SEMA3E: variants seen among roughly 807,000 people sequenced by gnomAD.
The protein encoded by SEMA3E is semaphorin 3E, also known as semaphorin-3E.
Under a neutral mutation model 93.6 loss-of-function variants are expected in SEMA3E, and 49 were observed. That is an observed-to-expected ratio of 0.52 (90% CI 0.42 to 0.66). The LOEUF is 0.66. Among genes scored for constraint, SEMA3E ranks in the 30% least tolerant of loss-of-function variants. SEMA3E has a pLI of 0.00. For missense variants in SEMA3E, 906 were observed against 964.8 expected (o/e 0.94, Z 0.81); for synonymous variants, 363 against 330.7 (o/e 1.10, Z -1.06).
chr7:83,644,953 T>C (rs1185648659), intron 1 of SEMA3E, among the ~76,000 whole-genome samples: 2 of 152,014 alleles, frequency 1.3e-5, no homozygotes, highest in Non-Finnish European at 2.9e-5. Flanking sequence ...TGCAACTGCA[T>C]TCTTGCTTAT....
At chr7:83,547,157 G>A (rs533114285) in intron 1 of SEMA3E, among the ~76,000 whole-genome samples, 5 of 152,146 alleles carry the variant, frequency 3.3e-5, no homozygotes, top group South Asian at 2.1e-4. Context: ...ATTTAACATC[G>A]TAAGTGTATT....
At chr7:83,606,835 T>C (rs1313427654) in intron 1 of SEMA3E, among the ~76,000 whole-genome samples, 1 of 152,098 alleles carries the variant, frequency 6.6e-6, no homozygotes, top group Non-Finnish European at 1.5e-5. Flanking sequence ...ATTTTCTACT[T>C]GCATATTATA....
intron 1 of SEMA3E, among the ~76,000 whole-genome samples, chr7:83,542,017 CTT>C (rs1034446192): frequency 6.6e-6 from 1 of 151,986 alleles, no homozygotes; most frequent in Non-Finnish European, 1.5e-5. Flanking sequence ...GGATTTAGCT[CTT>C]GAATACTCCT....
In SEMA3E at chr7:83,560,154, A is replaced by C. The variant is rs144040038; in HGVS notation, c.116-69880T>G. On this transcript the variant is annotated intron_variant, in intron 1 of 16. Coordinates refer to ENST00000643230, the MANE Select transcript of SEMA3E (RefSeq NM_012431.3). The stretch of plus-strand genomic sequence containing the variant: ...ACTAACACAATGGATATATGTCATC[A>C]TGCATTTGTCCAAACTCACCGAATA... 8.2e-4 allele frequency among the ~76,000 whole-genome samples: 125 copies of C among 152,198 alleles called. 2 individuals carry two copies. Among genetic ancestry groups the C allele is most frequent in the South Asian group, 7.5e-3 (36 of 4,826 alleles).
At chr7:83,489,023 T>G (rs560991395) in intron 2 of SEMA3E, among the ~76,000 whole-genome samples, 1 of 152,076 alleles carries the variant, frequency 6.6e-6, no homozygotes, top group East Asian at 1.9e-4. Context: ...GAGGGAAAAG[T>G]GTGATAAAAT....
At chr7:83,556,177 T>C (rs898533273) in intron 1 of SEMA3E, among the ~76,000 whole-genome samples, 26 of 152,186 alleles carry the variant, frequency 1.7e-4, no homozygotes, top group Admixed American at 1.2e-3. Flanking sequence ...AAATTGTTTT[T>C]TAAAAAGGAC....
chr7:83,426,292 A>T (rs1788768130), intron 4 of SEMA3E, among the ~76,000 whole-genome samples: 1 of 152,184 alleles, frequency 6.6e-6, no homozygotes, highest in Non-Finnish European at 1.5e-5. Flanking sequence ...TCATTGCAGC[A>T]TTATTCACCA....
intron 3 of SEMA3E, among the ~76,000 whole-genome samples, 170 bp from the exon 4 acceptor site, chr7:83,466,771 CTG>C (rs1439675186): frequency 7.9e-5 from 12 of 152,228 alleles, no homozygotes; most frequent in Admixed American, 5.9e-4. Context: ...GGAGAAGAAA[CTG>C]GGGTGATTGA....
chr7:83,385,368 C>A lies in SEMA3E; in HGVS notation c.1801G>T (p.Glu601Ter). Reference protein sequence around the residue: ...YGIENNSTLLECTPRSLQAKV... With the variant: ...YGIENNSTLL ...GCTTGTAAAGATCGTGGGGTACATT[C>A]CAGCAAAGTACTGTTGTTCTCTATG... Residue 601 changes from glutamate to a stop codon, truncating the protein, a stop_gained, in exon 16 of 17, where the codon GAA (glutamate) becomes TAA (stop). Coordinates refer to ENST00000643230, the MANE Select transcript of SEMA3E (RefSeq NM_012431.3). LOFTEE classifies it high-confidence loss of function. The A allele has an allele frequency of 6.2e-7, 1 of 1,613,520 alleles. No individual in the cohort carries two copies. Among genetic ancestry groups the A allele is most frequent in the Non-Finnish European group, 8.5e-7 (1 of 1,179,632 alleles).
At chr7:83,450,294 A>C (rs1789330902) in intron 4 of SEMA3E, among the ~76,000 whole-genome samples, 1 of 152,232 alleles carries the variant, frequency 6.6e-6, no homozygotes, top group African/African-American at 2.4e-5. Flanking sequence ...CACACCCATA[A>C]GTTCACCAAA....
chr7:83,584,487 T>A (rs1198867143), intron 1 of SEMA3E, among the ~76,000 whole-genome samples: 1 of 152,152 alleles, frequency 6.6e-6, no homozygotes, highest in African/African-American at 2.4e-5. Flanking sequence ...GGTAGAAAAT[T>A]AAAATGTGTA....
chr7:83,557,190 T>C (rs1343946441), intron 1 of SEMA3E, among the ~76,000 whole-genome samples: 4 of 152,102 alleles, frequency 2.6e-5, no homozygotes, highest in African/African-American at 9.7e-5. Context: ...ATATTCTTTT[T>C]ATTACTAAAT....
rs73707826 is a variant in SEMA3E at position 83,405,756 on chromosome 7, C to A, written c.928+189G>T. On this transcript the variant is annotated intron_variant, in intron 8 of 16. Coordinates refer to ENST00000643230, the MANE Select transcript of SEMA3E (RefSeq NM_012431.3). ...ACTGACTCTAAGCTAACAAGATGAG[C>A]CTCTTTTTGTTCTTGCAATCCCTTT... Among the ~76,000 whole-genome samples, 7,855 of 152,054 alleles carry A rather than the reference C, an allele frequency of 0.052. 334 individuals are homozygous for A. The highest frequency in any genetic ancestry group is 0.11 in the African/African-American group (4,650 of 41,474).
intron 5 of SEMA3E, among the ~76,000 whole-genome samples, chr7:83,415,296 A>G (rs898166722): frequency 6.6e-6 from 1 of 152,128 alleles, no homozygotes; most frequent in African/African-American, 2.4e-5. Flanking sequence ...AGGAGTAATC[A>G]CACTGGAGGA....
chr7:83,648,409 A>C lies in SEMA3E; in HGVS notation c.115+19T>G. Reference sequence around the variant, plus strand: ...TTTTTTTTTTTTTTTAAACAAAAGGATCTGGAAAGGTAACCTACCTTTATG... The same window carrying C: ...TTTTTTTTTTTTTTTAAACAAAAGGCTCTGGAAAGGTAACCTACCTTTATG... On this transcript the variant is annotated intron_variant, in intron 1 of 16. Transcript: ENST00000643230. 1 of 1,406,576 alleles carries C rather than the reference A, an allele frequency of 7.1e-7. No homozygotes were observed. The highest frequency in any genetic ancestry group is 1.0e-6 in the Non-Finnish European group (1 of 1,002,378). 87.1% of individuals were successfully genotyped at this position (1,406,576 alleles called of 1,614,324 possible).
At chr7:83,524,338 CA>C (rs1224597084) in intron 1 of SEMA3E, among the ~76,000 whole-genome samples, 1 of 152,058 alleles carries the variant, frequency 6.6e-6, no homozygotes. Context: ...ATAAAAAGGC[CA>C]AACCTGTCTT....
chr7:83,416,221 G>A (rs1345299609), intron 5 of SEMA3E, among the ~76,000 whole-genome samples: 1 of 152,010 alleles, frequency 6.6e-6, no homozygotes, highest in African/African-American at 2.4e-5. Flanking sequence ...TCTCTTTGGA[G>A]GGATTATTCT....
intron 1 of SEMA3E, among the ~76,000 whole-genome samples, chr7:83,491,369 T>A (rs1187159306): frequency 6.6e-6 from 1 of 151,752 alleles, no homozygotes; most frequent in East Asian, 1.9e-4. Flanking sequence ...AAATGAACAA[T>A]ACTGCTAAAA....
At chr7:83,550,348 T>A (rs866020651) in intron 1 of SEMA3E, among the ~76,000 whole-genome samples, 5 of 152,208 alleles carry the variant, frequency 3.3e-5, no homozygotes, top group African/African-American at 1.2e-4. Context: ...TTCCTGTGCA[T>A]GTGTGTGGCA....
Sources: allele counts gnomAD v4.1 joint callset (sites outside exome capture counted in the v4.1 genomes callset), GRCh38; gene constraint gnomAD v4.1.1; transcripts MANE v1.5; gene names NCBI Gene and HGNC (gene_info 2026-07-23, HGNC 2026-07-21).